The following QTMAN variants were observed in gnomAD, a reference collection of about 807,000 sequenced individuals.
QTMAN encodes tRNA-queuosine alpha-mannosyltransferase.
At chr2:144,250,751 G>GAAAA in the QTMAN span, among the ~76,000 whole-genome samples, 1 of 67,086 alleles carries the variant, frequency 1.5e-5, no homozygotes, top group Non-Finnish European at 3.4e-5. Context: ...CTTTAAGGCC[G>GAAAA]AAAAAAAAAA....
At chr2:143,974,635 A>G in the QTMAN span, among the ~76,000 whole-genome samples, 38 of 152,314 alleles carry the variant, frequency 2.5e-4, no homozygotes, top group African/African-American at 8.9e-4. Flanking sequence ...TATGTCTAGG[A>G]AAGTTTGGCA....
the QTMAN span, among the ~76,000 whole-genome samples, chr2:144,327,547 G>A: frequency 3.9e-4 from 60 of 152,196 alleles, no homozygotes; most frequent in Non-Finnish European, 7.4e-4. Flanking sequence ...CAGGAAAGGC[G>A]TTCTAACTCA....
the QTMAN span, among the ~76,000 whole-genome samples, chr2:144,186,972 G>C: frequency 6.6e-6 from 1 of 152,114 alleles, no homozygotes; most frequent in African/African-American, 2.4e-5. Flanking sequence ...GTTAATATTT[G>C]TCATGTCATC....
At chr2:144,182,598 C>T in the QTMAN span, among the ~76,000 whole-genome samples, 2 of 133,096 alleles carry the variant, frequency 1.5e-5, no homozygotes, top group East Asian at 2.2e-4. Flanking sequence ...GAGCCAAGAT[C>T]GCACCATTGC....
chr2:144,316,021 A>G, the QTMAN span, among the ~76,000 whole-genome samples: 1 of 152,206 alleles, frequency 6.6e-6, no homozygotes, highest in Non-Finnish European at 1.5e-5. Flanking sequence ...CCTACTGCAC[A>G]GTTGCCTTTT....
the QTMAN span, among the ~76,000 whole-genome samples, chr2:143,961,044 G>C: frequency 9.9e-4 from 151 of 152,222 alleles, no homozygotes; most frequent in African/African-American, 3.4e-3. Flanking sequence ...AGGTGACATG[G>C]CTAATCAATG....
chr2:144,040,207 G>C, the QTMAN span, among the ~76,000 whole-genome samples: 1 of 152,056 alleles, frequency 6.6e-6, no homozygotes, highest in South Asian at 2.1e-4. Context: ...TTATATGCTT[G>C]CTTGTAGAAG....
At chr2:144,244,376 T>C in the QTMAN span, among the ~76,000 whole-genome samples, 1 of 152,188 alleles carries the variant, frequency 6.6e-6, no homozygotes, top group Non-Finnish European at 1.5e-5. Flanking sequence ...CCTAATGTAT[T>C]GCTTCTTGGA....
chr2:144,065,454 TAGG>T, the QTMAN span, among the ~76,000 whole-genome samples: 1 of 152,214 alleles, frequency 6.6e-6, no homozygotes, highest in Non-Finnish European at 1.5e-5. Context: ...CAGATACATG[TAGG>T]AGATTTTTTA....
the QTMAN span, among the ~76,000 whole-genome samples, chr2:144,306,699 C>A: frequency 7.2e-5 from 11 of 152,170 alleles, no homozygotes; most frequent in Non-Finnish European, 1.5e-4. Flanking sequence ...CACACATCCA[C>A]AAATCAACAA....
chr2:144,046,166 C>G, the QTMAN span, among the ~76,000 whole-genome samples: 4 of 152,074 alleles, frequency 2.6e-5, no homozygotes, highest in Non-Finnish European at 5.9e-5. Context: ...TATCAAATAA[C>G]AACATTTAAG....
At chr2:144,055,334 GACACACACACACAC>G in the QTMAN span, among the ~76,000 whole-genome samples, 17 of 132,772 alleles carry the variant, frequency 1.3e-4, no homozygotes, top group East Asian at 1.1e-3. Flanking sequence ...CAGACACACA[GACACACACACACAC>G]ACACACACAC....
the QTMAN span, chr2:144,230,138 T>C: frequency 2.0e-5 from 3 of 152,104 alleles, no homozygotes; most frequent in African/African-American, 7.2e-5. Flanking sequence ...ATGAAGTCCG[T>C]TTTCTCAGGC....
At chr2:144,052,767 T>G in the QTMAN span, among the ~76,000 whole-genome samples, 22 of 152,324 alleles carry the variant, frequency 1.4e-4, no homozygotes, top group African/African-American at 5.1e-4. Context: ...TTCTCCTGTC[T>G]CAATCTCCTA....
the QTMAN span, among the ~76,000 whole-genome samples, chr2:144,176,957 C>G: frequency 0.11 from 16,013 of 152,156 alleles, 1,928 homozygotes; most frequent in African/African-American, 0.29. Context: ...TTACAATCAC[C>G]GCAGACGGTA....
chr2:143,964,391 C>T, the QTMAN span, among the ~76,000 whole-genome samples: 1 of 152,152 alleles, frequency 6.6e-6, no homozygotes, highest in Non-Finnish European at 1.5e-5. Flanking sequence ...TTAACTTCAT[C>T]TCAATGTATT....
the QTMAN span, chr2:144,005,805 A>C: frequency 4.3e-4 from 65 of 152,184 alleles, no homozygotes; most frequent in African/African-American, 1.5e-3. Context: ...ATTTTGTGCA[A>C]AGTATTGAAT....
the QTMAN span, among the ~76,000 whole-genome samples, chr2:143,976,375 G>C: frequency 6.6e-6 from 1 of 152,054 alleles, no homozygotes; most frequent in African/African-American, 2.4e-5. Flanking sequence ...CCAAAACAAT[G>C]GTATCAAATT....
At chr2:144,015,614 A>G in the QTMAN span, among the ~76,000 whole-genome samples, 8 of 152,198 alleles carry the variant, frequency 5.3e-5, no homozygotes, top group African/African-American at 1.9e-4. Flanking sequence ...TTTGTGCTCA[A>G]TGCATTATAC....
Sources: allele counts gnomAD v4.1 joint callset (sites outside exome capture counted in the v4.1 genomes callset), GRCh38; gene constraint gnomAD v4.1.1; transcripts MANE v1.5; gene names NCBI Gene and HGNC (gene_info 2026-07-23, HGNC 2026-07-21).